MTX2: variants seen among roughly 807,000 people sequenced by gnomAD.
MTX2 encodes the protein metaxin 2, also known as metaxin-2.
Under a neutral mutation model 42.3 loss-of-function variants are expected in MTX2, and 35 were observed. The observed-to-expected ratio is 0.83, with a 90% CI of 0.63 to 1.10. The LOEUF is 1.10. Ranked by LOEUF, MTX2 falls within the 50% of genes least tolerant of loss-of-function variation. MTX2 has a pLI of 0.00. For missense variants in MTX2, 307 were observed against 304.1 expected, an observed-to-expected ratio of 1.01 and a Z score of -0.07; for synonymous variants, 119 against 100.9, an observed-to-expected ratio of 1.18 and a Z score of -1.08.
chr2:176,334,013 G>T (rs1026182432), intron 9 of MTX2, among the ~76,000 whole-genome samples: 1 of 151,762 alleles, frequency 6.6e-6, no homozygotes, highest in Non-Finnish European at 1.5e-5. Flanking sequence ...GGTTTAATCT[G>T]TTGAATTCTA....
At chr2:176,290,748 GTT>G (rs575119364) in intron 1 of MTX2, among the ~76,000 whole-genome samples, 4 of 134,402 alleles carry the variant, frequency 3.0e-5, no homozygotes, top group Non-Finnish European at 3.2e-5. Flanking sequence ...GGAATAACTA[GTT>G]TTTTTTTTTT....
chr2:176,274,981 G>T (rs1246280773), intron 1 of MTX2, among the ~76,000 whole-genome samples: 1 of 152,172 alleles, frequency 6.6e-6, no homozygotes, highest in Admixed American at 6.5e-5. Context: ...AGACATAGTA[G>T]AAAGGGAATT....
chr2:176,294,336 C>T (rs1247254752), intron 1 of MTX2, among the ~76,000 whole-genome samples: 1 of 142,258 alleles, frequency 7.0e-6, no homozygotes, highest in Non-Finnish European at 1.5e-5. Context: ...CCAGGCTGGA[C>T]TGCAGTGGCG....
At chr2:176,313,510 A>T (rs1684367954) in intron 3 of MTX2, among the ~76,000 whole-genome samples, 1 of 148,624 alleles carries the variant, frequency 6.7e-6, no homozygotes, top group African/African-American at 2.5e-5. Flanking sequence ...GTCCTGCCTC[A>T]GCCTCCCAAG....
chr2:176,272,398 T>C (rs1260180688), intron 1 of MTX2, among the ~76,000 whole-genome samples: 1 of 152,190 alleles, frequency 6.6e-6, no homozygotes, highest in African/African-American at 2.4e-5. Flanking sequence ...TCAAAATTGC[T>C]AAAGGCTTAG....
intron 9 of MTX2, among the ~76,000 whole-genome samples, chr2:176,337,188 A>G (rs537177680): frequency 6.6e-6 from 1 of 152,054 alleles, no homozygotes; most frequent in African/African-American, 2.4e-5. Context: ...ACTATAGCCA[A>G]GCACCACCAT....
At chr2:176,292,339 A>G (rs1693347653) in intron 1 of MTX2, among the ~76,000 whole-genome samples, 1 of 152,340 alleles carries the variant, frequency 6.6e-6, no homozygotes, top group East Asian at 1.9e-4. Flanking sequence ...TAAAATATAA[A>G]AATGTTTTAT....
intron 1 of MTX2, among the ~76,000 whole-genome samples, 157 bp downstream of exon 1, chr2:176,269,826 A>G (rs1575026454): frequency 6.6e-6 from 1 of 152,082 alleles, no homozygotes. Flanking sequence ...TATCTCACAT[A>G]TGGGAAAACT....
intron 1 of MTX2, among the ~76,000 whole-genome samples, chr2:176,286,698 C>T (rs975375568): frequency 6.6e-6 from 1 of 151,984 alleles, no homozygotes; most frequent in African/African-American, 2.4e-5. Context: ...TACAGGTATG[C>T]ACCACCATGC....
intron 3 of MTX2, among the ~76,000 whole-genome samples, chr2:176,305,897 T>C (rs999330710): frequency 2.0e-5 from 3 of 152,126 alleles, no homozygotes; most frequent in African/African-American, 7.2e-5. Context: ...TTGTGGTTTC[T>C]GATTTCTACA....
At chr2:176,328,077 A>G (rs1227869471) in intron 5 of MTX2, among the ~76,000 whole-genome samples, 1 of 151,216 alleles carries the variant, frequency 6.6e-6, no homozygotes, top group Non-Finnish European at 1.5e-5. Flanking sequence ...TTCTCTATTG[A>G]AAGATACATT....
intron 2 of MTX2, 24 bp from the exon 3 acceptor site, chr2:176,297,825 T>A: frequency 6.6e-7 from 1 of 1,509,126 alleles, no homozygotes; most frequent in Non-Finnish European, 9.0e-7. Context: ...TGGTTAACAT[T>A]TATGCTTCAT....
chr2:176,325,295 C>G lies in MTX2; in HGVS notation c.209-1530C>G, dbSNP rs79028131. Among the ~76,000 whole-genome samples the G allele has an allele frequency of 3.7e-3, 557 of 151,798 alleles. 6 individuals carry two copies. The highest frequency in any genetic ancestry group is 0.036 in the East Asian group (185 of 5,172). On this transcript the variant is annotated intron_variant, in intron 4 of 9. Transcript: ENST00000249442. Reference sequence around the variant, plus strand: ...TTCTTATATGACCTTTGATTCGCACCAGAAAATAACTGTCTTACTGTGTTT... The same window carrying G: ...TTCTTATATGACCTTTGATTCGCACGAGAAAATAACTGTCTTACTGTGTTT...
At position 176,269,568 on chromosome 2, in the gene MTX2, G is replaced by T; in HGVS notation, c.-62G>T. ...TTAACTGCCGAGAGCCTCCGGGTTT[G>T]CGGTGGAGGACGCTGAGGCCCGTGG... On this transcript the variant is annotated 5_prime_UTR_variant, in exon 1 of 10. Coordinates refer to ENST00000249442, the MANE Select transcript of MTX2 (RefSeq NM_006554.5). 6.6e-7 allele frequency: 1 copy of T among 1,522,354 alleles called. No individual in the cohort carries two copies. The highest frequency in any genetic ancestry group is 8.8e-7 in the Non-Finnish European group (1 of 1,135,132). 94.3% of individuals were successfully genotyped at this position (1,522,354 alleles called of 1,614,324 possible).
chr2:176,319,372 G>A (rs1684521225), intron 3 of MTX2, among the ~76,000 whole-genome samples: 1 of 151,612 alleles, frequency 6.6e-6, no homozygotes, highest in South Asian at 2.1e-4. Context: ...AATACTGTTT[G>A]AGTCAAACCT....
intron 1 of MTX2, among the ~76,000 whole-genome samples, chr2:176,282,120 A>C (rs1693090432): frequency 1.3e-5 from 1 of 78,688 alleles, no homozygotes; most frequent in Non-Finnish European, 2.5e-5. Flanking sequence ...TTTTAGAGTT[A>C]CAGTAGTTTT....
chr2:176,282,738 C>G (rs1428214979), intron 1 of MTX2, among the ~76,000 whole-genome samples: 2 of 146,808 alleles, frequency 1.4e-5, no homozygotes, highest in Admixed American at 6.9e-5. Context: ...GAGTCTTGCT[C>G]TGTTGCCCAG....
At chr2:176,310,946 C>T (rs530638983) in intron 3 of MTX2, among the ~76,000 whole-genome samples, 5 of 152,276 alleles carry the variant, frequency 3.3e-5, no homozygotes, top group South Asian at 2.1e-4. Context: ...CCATTGCTGG[C>T]GAGGAGCTGC....
chr2:176,323,202 T>TA (rs969391653), intron 3 of MTX2, among the ~76,000 whole-genome samples, 190 bp from the exon 4 acceptor site: 2 of 151,902 alleles, frequency 1.3e-5, no homozygotes, highest in South Asian at 2.1e-4. Flanking sequence ...GTCTAAATCA[T>TA]ACTGATTTTT....
Sources: allele counts gnomAD v4.1 joint callset (sites outside exome capture counted in the v4.1 genomes callset), GRCh38; gene constraint gnomAD v4.1.1; transcripts MANE v1.5; gene names NCBI Gene and HGNC (gene_info 2026-07-23, HGNC 2026-07-21).